The following CLSPN variants were observed in gnomAD, a reference collection of about 807,000 sequenced individuals.
CLSPN encodes the protein claspin.
CLSPN carries 85 observed loss-of-function variants against 156.3 expected under a neutral mutation model. The ratio of observed to expected loss-of-function variants is 0.54; its 90% CI spans 0.46 to 0.65. The LOEUF is 0.65. Ranked by LOEUF, CLSPN falls within the 30% of genes least tolerant of loss-of-function variation. The pLI is 0.00. For missense variants in CLSPN, 1,407 were observed against 1,554.9 expected (o/e 0.90, Z 1.60); for synonymous variants, 534 against 542.4 (o/e 0.98, Z 0.22).
In CLSPN at chr1:35,748,414, T is replaced by C. The variant is rs779381598; in HGVS notation, c.2463A>G (p.Ser821=). ...ACCATTACCATCTTACCTTAGAAGC[T>C]GAGCTGACCAAACTGGCTCGAAATA... ...PGLFRASLVS[S]ASKSSGKLSE... The change falls in exon 13 of 25, where the codon TCA becomes TCG. Residue 821 remains serine, a synonymous_variant. Transcript: ENST00000318121. The C allele has an allele frequency of 1.5e-5, 24 of 1,613,824 alleles. No individual in the cohort carries two copies. The highest frequency in any genetic ancestry group is 1.9e-5 in the Non-Finnish European group (22 of 1,179,736).
rs189636222 is a variant in CLSPN, at chr1:35,746,767, C to T, written c.2853G>A (p.Gln951=). ...LNLCSGKFTS[Q]DASTPASSEL... ...TGATACTCTCGGTTGGATATTTACCCTGAGAAGTGAATTTTCCTGAACAAA... is the reference window on the plus strand; with the variant it reads ...TGATACTCTCGGTTGGATATTTACCTTGAGAAGTGAATTTTCCTGAACAAA... The change falls in exon 15 of 25, where the codon CAG becomes CAA. Residue 951 remains glutamine, a splice_region_variant and synonymous_variant. Transcript: ENST00000318121. This position sits in a 1 kb window ranked among gnomAD's most constrained non-coding sequence, Gnocchi z 4.2. The T allele has an allele frequency of 4.4e-6, 7 of 1,598,384 alleles. No individual in the cohort carries two copies. In the African/African-American group the frequency reaches 8.0e-5, roughly 18 times the overall value.
Position 35,737,194 on chromosome 1 carries a change from G to C in CLSPN, c.3748-119C>G, listed in dbSNP as rs1020778558. On this transcript the variant is annotated intron_variant, in intron 23 of 24. Transcript: ENST00000318121. ...TACATATGCCTACCCTATTCAAATA[G>C]AAAAGAAATAGCAGACTCCTTTGAC... 29 of 1,241,428 alleles carry C rather than the reference G, an allele frequency of 2.3e-5. No homozygotes were observed. The South Asian group carries it at 3.6e-4, about 15-fold the overall frequency. The allele number at this position is 1,241,428 out of a possible 1,614,324, so 76.9% of individuals were successfully genotyped here. A position where few individuals can be genotyped will look rare whatever the true frequency, so the allele number is the denominator to read the frequency against.
Position 35,761,197 on chromosome 1 carries a change from T to G in CLSPN, c.903A>C (p.Ala301=), listed in dbSNP as rs763166381. ...SETQRLIRES[A]LNLPYHMPEN... ...CAGGCATATGATATGGAAGGTTCAG[T>G]GCAGACTCTATAAAATGGAATAAAA... Residue 301 remains alanine, a synonymous_variant, in exon 7 of 25, where the codon GCA becomes GCC. Transcript: ENST00000318121. 2.5e-6 allele frequency: 4 copies of G among 1,597,454 alleles called. No homozygotes were observed. Among genetic ancestry groups the G allele is most frequent in the East Asian group, 2.2e-5 (1 of 44,778 alleles).
chr1:35,759,381 A>C (rs1642396987), intron 8 of CLSPN, among the ~76,000 whole-genome samples: 1 of 152,182 alleles, frequency 6.6e-6, no homozygotes, highest in Non-Finnish European at 1.5e-5. Context: ...AATGTTCTTT[A>C]AGAAAATACT....
chr1:35,762,363 TA>T, intron 5 of CLSPN, 40 bp downstream of exon 5: 1 of 1,448,370 alleles, frequency 6.9e-7, no homozygotes, highest in Non-Finnish European at 9.7e-7. Context: ...ATCTCCTGTG[TA>T]AAGAGATCAG....
At position 35,737,085 on chromosome 1, in the gene CLSPN, G is replaced by GA. The variant is rs777085419; in HGVS notation, c.3748-11dup. 9.9e-6 allele frequency: 16 copies of GA among 1,611,776 alleles called. No individual in the cohort carries two copies. Among genetic ancestry groups the GA allele is most frequent in the Non-Finnish European group, 1.4e-5 (16 of 1,179,096 alleles). On this transcript the variant is annotated splice_polypyrimidine_tract_variant and intron_variant, in intron 23 of 24. Transcript: ENST00000318121. ...GTGAGCCTGTCTTCACCTGAGGAAA[G>GA]AAGAGTCATCTGGTATCAAATCCCA...
chr1:35,728,985 T>C (rs554648757), downstream of CLSPN, among the ~76,000 whole-genome samples: 2 of 131,194 alleles, frequency 1.5e-5, no homozygotes, highest in Admixed American at 8.3e-5. Flanking sequence ...CACACACGCC[T>C]TTCCTGCTGG....
chr1:35,762,108 T>C, intron 5 of CLSPN, 38 bp from the exon 6 acceptor site: 1 of 1,401,858 alleles, frequency 7.1e-7, no homozygotes, highest in Non-Finnish European at 1.0e-6. Context: ...ATTAATTATA[T>C]GAATATCCAG....
At position 35,736,573 on chromosome 1, in the gene CLSPN, G is replaced by T; in HGVS notation, c.3943C>A (p.Pro1315Thr). Reference protein sequence around the residue: ...KKRGPSFMTSPSPKHLKTDDS... With the variant: ...KKRGPSFMTSTSPKHLKTDDS... Reference sequence around the variant, plus strand: ...TCTGTTTTGAGGTGCTTAGGTGAAGGAGAAGTCATGAAAGATGGACCCCTT... The same window carrying T: ...TCTGTTTTGAGGTGCTTAGGTGAAGTAGAAGTCATGAAAGATGGACCCCTT... Residue 1315 changes from proline (P) to threonine (T), a missense_variant, in exon 25 of 25, where the codon CCT (proline) becomes ACT (threonine). Coordinates refer to ENST00000318121, the MANE Select transcript of CLSPN (RefSeq NM_022111.4). 6.2e-7 allele frequency: 1 copy of T among 1,612,498 alleles called. No individual in the cohort carries two copies. The highest frequency in any genetic ancestry group is 8.5e-7 in the Non-Finnish European group (1 of 1,179,428).
At chr1:35,737,236 C>A (rs1641506565) in intron 23 of CLSPN, 103 bp downstream of exon 23, 5 of 1,278,228 alleles carry the variant, frequency 3.9e-6, no homozygotes, top group Non-Finnish European at 5.6e-6. Flanking sequence ...TTTTTCCCTG[C>A]AGCCACCTCC....
chr1:35,762,399 C>T lies in CLSPN; in HGVS notation c.822+5G>A, dbSNP rs1264276937. On this transcript the variant is annotated splice_donor_5th_base_variant and intron_variant, in intron 5 of 24. Transcript: ENST00000318121. ...GTGTGACTAATATACAGGGCTCTAC[C>T]TCACCTTCCTCGTGGTTCCTTTTGA... is the stretch of plus-strand genomic sequence containing the variant. The T allele has an allele frequency of 1.4e-5, 23 of 1,611,050 alleles. No homozygotes were observed. The highest frequency in any genetic ancestry group is 1.6e-4 in the Middle Eastern group (1 of 6,078).
chr1:35,745,415 C>T (rs1197500300), intron 16 of CLSPN, 36 bp downstream of exon 16: 2 of 1,399,708 alleles, frequency 1.4e-6, no homozygotes, highest in East Asian at 2.3e-5. Flanking sequence ...ATCAAAAGGC[C>T]AGGCCTTCCC....
Position 35,769,835 on chromosome 1 carries a change from G to T in CLSPN, c.24+12C>A. The T allele has an allele frequency of 1.2e-6, 2 of 1,600,096 alleles. No individual in the cohort carries two copies. Among genetic ancestry groups the T allele is most frequent in the South Asian group, 2.2e-5 (2 of 89,472 alleles). ...TTCTAAGCCCCCGTGGGGGGCGTGTGCATAAACTCACCTCAGAACCCACCT... is the reference window on the plus strand; with the variant it reads ...TTCTAAGCCCCCGTGGGGGGCGTGTTCATAAACTCACCTCAGAACCCACCT... On this transcript the variant is annotated intron_variant, in intron 1 of 24. Coordinates refer to ENST00000318121, the MANE Select transcript of CLSPN (RefSeq NM_022111.4).
At chr1:35,768,921 T>G (rs1642767580) in intron 1 of CLSPN, among the ~76,000 whole-genome samples, 1 of 152,128 alleles carries the variant, frequency 6.6e-6, no homozygotes, top group Non-Finnish European at 1.5e-5. Flanking sequence ...ATGAATAACA[T>G]TAATGCAATA....
chr1:35,721,309 C>A (rs1641068068), intron 24 of CLSPN, among the ~76,000 whole-genome samples: 1 of 152,182 alleles, frequency 6.6e-6, no homozygotes, highest in African/African-American at 2.4e-5. Flanking sequence ...TCTAGTGCTA[C>A]CAGGAGCCGA....
At chr1:35,749,996 T>C (rs1642026988) in intron 10 of CLSPN, among the ~76,000 whole-genome samples, 185 bp from the exon 11 acceptor site, 1 of 73,226 alleles carries the variant, frequency 1.4e-5, no homozygotes, top group South Asian at 7.2e-4. Flanking sequence ...TAGAACTTTT[T>C]TCTATTTTTT....
chr1:35,764,691 T>C lies in CLSPN; in HGVS notation c.157A>G (p.Ser53Gly), dbSNP rs375996268. 2.5e-6 allele frequency: 4 copies of C among 1,579,708 alleles called. No individual in the cohort carries two copies. In the African/African-American group the frequency reaches 5.5e-5, roughly 22 times the overall value. ...EGDSDEEIFV[S>G]KKLKNRKVLQ... ...ACCTTCCTGTTTTTCAACTTCTTAC[T>C]TACAAATATCTCTTCATCTGAATCT... Residue 53 changes from serine to glycine, a missense_variant, in exon 3 of 25, where the codon AGT (serine) becomes GGT (glycine). Ser to Gly is a moderately conservative substitution (Grantham distance 56). Around this residue, in one of 3 missense-constraint regions of CLSPN, gnomAD observed 1,096 missense variants for 1,193.0 expected, o/e 0.92. Transcript: ENST00000318121.
Position 35,737,322 on chromosome 1 carries a change from C to T in CLSPN, c.3747+17G>A, listed in dbSNP as rs1381522027. 1 of 1,606,406 alleles carries T rather than the reference C, an allele frequency of 6.2e-7. No homozygotes were observed. Among genetic ancestry groups the T allele is most frequent in the South Asian group, 1.1e-5 (1 of 90,900 alleles). ...CCTGTAGACTATGATGTCAGATTAA[C>T]AAGGTTCCCAACCAACCTGTTGAGC... On this transcript the variant is annotated intron_variant, in intron 23 of 24. Coordinates refer to ENST00000318121, the MANE Select transcript of CLSPN (RefSeq NM_022111.4).
In CLSPN at chr1:35,763,263, A is replaced by C. The variant is rs776601752; in HGVS notation, c.641T>G (p.Leu214Arg). The stretch of plus-strand genomic sequence containing the variant: ...TTCATCCTCCAACCCAGTTTCAAAA[A>C]GGTCTTTATCCACAAGAAGACAGCC... ...DSGCLLVDKD[L>R]FETGLEDENN... The change falls in exon 4 of 25, where the codon CTT becomes CGT. Residue 214 changes from leucine to arginine, a missense_variant. Physicochemically the swap from Leu to Arg is moderately radical, Grantham distance 102. Transcript: ENST00000318121. The C allele has an allele frequency of 6.2e-7, 1 of 1,609,002 alleles. No individual in the cohort carries two copies. Among genetic ancestry groups the C allele is most frequent in the African/African-American group, 1.3e-5 (1 of 74,646 alleles).
Sources: gnomAD v4.1 joint callset for allele counts (sites outside exome capture counted in the v4.1 genomes callset) on GRCh38, gnomAD v4.1.1 for gene constraint, gnomAD v4.1.1 regional missense constraint, Gnocchi (gnomAD v3.1) non-coding constraint, MANE v1.5 for transcripts, NCBI Gene and HGNC (gene_info 2026-07-23, HGNC 2026-07-21) for gene names.